RPS3: variants seen among roughly 807,000 people sequenced by gnomAD.
RPS3 encodes the protein ribosomal protein S3.
In RPS3, 2 loss-of-function variants were observed where a neutral mutation model predicts 25.8. That is an observed-to-expected ratio of 0.08 (90% confidence interval 0.03 to 0.24). RPS3 has a LOEUF of 0.24. RPS3 is among the 10% of genes least tolerant of loss of function. RPS3 has a pLI of 1.00. For missense variants in RPS3, 107 were observed against 307.1 expected (o/e 0.35, Z 4.87); for synonymous variants, 114 against 114.2 (o/e 1.00, Z 0.01).
chr11:75,405,439 T>G, intron 6 of RPS3, 175 bp from the exon 7 acceptor site: 1 of 341,428 alleles, frequency 2.9e-6, no homozygotes, highest in Non-Finnish European at 5.6e-6. Flanking sequence ...TTTATAGGTG[T>G]TGTCTCTCCA....
intron 6 of RPS3, chr11:75,405,350 C>T: frequency 3.9e-6 from 1 of 256,534 alleles, no homozygotes; most frequent in Non-Finnish European, 7.6e-6. Flanking sequence ...ATTTTCTAGG[C>T]ACTTTTGCTA....
downstream of RPS3, among the ~76,000 whole-genome samples, chr11:75,408,360 C>T (rs553089222): frequency 6.6e-6 from 1 of 152,114 alleles, no homozygotes; most frequent in South Asian, 2.1e-4. Flanking sequence ...TAAAAATTTG[C>T]CAGATATGGA....
chr11:75,420,088 A>G (rs1948430575), intron 6 of RPS3, among the ~76,000 whole-genome samples: 1 of 152,216 alleles, frequency 6.6e-6, no homozygotes, highest in Non-Finnish European at 1.5e-5. Flanking sequence ...AGCGAACGGC[A>G]AAGCCGCACA....
At chr11:75,402,480 T>C in intron 4 of RPS3, 34 bp downstream of exon 4, 1 of 1,579,950 alleles carries the variant, frequency 6.3e-7, no homozygotes, top group Non-Finnish European at 8.7e-7. Flanking sequence ...TCATGACCTT[T>C]TGTGTGTATC....
At position 75,419,900 on chromosome 11, in the gene RPS3, C is replaced by T. The variant is rs578059597; in HGVS notation, c.*4-1827C>T. Among the ~76,000 whole-genome samples the T allele has an allele frequency of 3.9e-5, 6 of 152,308 alleles. No individual in the cohort carries two copies. The South Asian group carries it at 1.0e-3, about 26-fold the overall frequency. Reference sequence around the variant, plus strand: ...CCACCCACCTCGGCCTCCCTAAGTACTGGGTTTACAGTCATTTTTTTAAAA... The same window carrying T: ...CCACCCACCTCGGCCTCCCTAAGTATTGGGTTTACAGTCATTTTTTTAAAA... On this transcript the variant is annotated intron_variant, in intron 6 of 6. Coordinates refer to the RPS3 transcript ENST00000527446.
Position 75,401,719 on chromosome 11 carries a change from G to C in RPS3, c.241G>C (p.Glu81Gln), listed in dbSNP as rs1281497092. 6.2e-7 allele frequency: 1 copy of C among 1,605,932 alleles called. No homozygotes were observed. Among genetic ancestry groups the C allele is most frequent in the Non-Finnish European group, 8.5e-7 (1 of 1,172,402 alleles). The change falls in exon 3 of 7, where the codon GAG becomes CAG. Residue 81 changes from glutamate (E) to glutamine (Q), a missense_variant. Around this residue, in one of 2 missense-constraint regions of RPS3, gnomAD observed 81 missense variants for 286.8 expected, o/e 0.28. Coordinates refer to ENST00000531188, the MANE Select transcript of RPS3 (RefSeq NM_001005.5). The part of the protein sequence containing the change: ...AVVQKRFGFP[E>Q]GSVELYAEKV... ...AGTTCAGAAGAGGTTTGGCTTTCCA[G>C]AGGGCAGTGTAGAGGTGAGTGATTC...
In RPS3 at chr11:75,399,552, C is replaced by A; in HGVS notation, c.5C>A (p.Ala2Glu). 6.2e-7 allele frequency: 1 copy of A among 1,613,910 alleles called. No individual in the cohort carries two copies. The highest frequency in any genetic ancestry group is 8.5e-7 in the Non-Finnish European group (1 of 1,179,878). The change falls in exon 1 of 7, where the codon GCA (alanine) becomes GAA (glutamate). Residue 2 changes from alanine to glutamate, a missense_variant. Ala to Glu is a moderately radical substitution (Grantham distance 107). Transcript: ENST00000531188. ...TCAGCGGAGCGCGGCGGCAAGATGG[C>A]AGTGCAAATATCCAAGAAGAGGAAG... M[A>E]VQISKKRKFV... is the part of the protein sequence containing the mutation.
At chr11:75,415,986 A>G (rs1948394410) in intron 6 of RPS3, among the ~76,000 whole-genome samples, 2 of 151,830 alleles carry the variant, frequency 1.3e-5, no homozygotes, top group Non-Finnish European at 2.9e-5. Flanking sequence ...AAAAAAAAAA[A>G]AAAAAAAAAG....
chr11:75,414,471 C>T lies in RPS3; in HGVS notation c.*4-7256C>T, dbSNP rs552525872. On this transcript the variant is annotated intron_variant, in intron 6 of 6. Transcript: ENST00000527446. The stretch of plus-strand genomic sequence containing the variant: ...CTAAAAATACAAAAAATTAGCCAGG[C>T]GTGGTGGTGGACGCCTGTAGTCCCA... 3.7e-3 allele frequency among the ~76,000 whole-genome samples: 558 copies of T among 152,120 alleles called. 4 individuals are homozygous for T. Among genetic ancestry groups the T allele is most frequent in the African/African-American group, 0.013 (520 of 41,482 alleles).
At chr11:75,410,449 C>G (rs1246314276), downstream of RPS3, among the ~76,000 whole-genome samples, 1 of 151,160 alleles carries the variant, frequency 6.6e-6, no homozygotes, top group Non-Finnish European at 1.5e-5. Flanking sequence ...GGAAGAGGCG[C>G]TCCTCGCTTC....
chr11:75,401,636 C>A lies in RPS3; in HGVS notation c.162-4C>A. ...AATCTTGAATTGTCACTTTTCCCCC[C>A]CAGAACACAGAATGTTCTTGGTGAG... On this transcript the variant is annotated splice_polypyrimidine_tract_variant and splice_region_variant and intron_variant, in intron 2 of 6. Coordinates refer to ENST00000531188, the MANE Select transcript of RPS3 (RefSeq NM_001005.5). The A allele has an allele frequency of 6.3e-7, 1 of 1,599,460 alleles. No individual in the cohort carries two copies. The highest frequency in any genetic ancestry group is 8.6e-7 in the Non-Finnish European group (1 of 1,166,570).
At chr11:75,410,086 C>G (rs1471777578), downstream of RPS3, among the ~76,000 whole-genome samples, 1 of 143,148 alleles carries the variant, frequency 7.0e-6, no homozygotes, top group African/African-American at 2.7e-5. Flanking sequence ...CCCCTCCCCC[C>G]TCCCGGACTG....
At chr11:75,399,660 G>A in intron 1 of RPS3, 83 bp downstream of exon 1, 1 of 1,248,966 alleles carries the variant, frequency 8.0e-7, no homozygotes, top group Non-Finnish European at 1.2e-6. Flanking sequence ...GAGGCCTGCA[G>A]CTCCGTGGCC....
chr11:75,419,841 C>T (rs562736116), intron 6 of RPS3, among the ~76,000 whole-genome samples: 1 of 152,138 alleles, frequency 6.6e-6, no homozygotes, highest in Non-Finnish European at 1.5e-5. Context: ...GCCTTGTTAG[C>T]CAGGCTGGTC....
chr11:75,402,052 T>A, intron 3 of RPS3: 1 of 544,398 alleles, frequency 1.8e-6, no homozygotes, highest in East Asian at 3.1e-5. Context: ...AGAAGTGCTT[T>A]AGGAATTGAG....
chr11:75,404,228 G>A lies in RPS3; in HGVS notation c.538+21G>A, dbSNP rs1332124952. On this transcript the variant is annotated intron_variant, in intron 5 of 6. Transcript: ENST00000531188. This position sits in a 1 kb window ranked among gnomAD's most constrained non-coding sequence, Gnocchi z 4.6. ...ACAGGGTGAGCAGCTGAGAGTGCTT[G>A]GCAAAGGGCATTTGTGGACAGATTT... The A allele has an allele frequency of 6.2e-7, 1 of 1,604,130 alleles. No homozygotes were observed. The highest frequency in any genetic ancestry group is 8.5e-7 in the Non-Finnish European group (1 of 1,172,828).
intron 3 of RPS3, 39 bp from the exon 4 acceptor site, chr11:75,402,313 A>G: frequency 6.2e-7 from 1 of 1,602,916 alleles, no homozygotes; most frequent in South Asian, 1.1e-5. Context: ...GTTGAAAATA[A>G]TGGTGATGGT....
At chr11:75,407,310 G>C (rs1948299003), downstream of RPS3, among the ~76,000 whole-genome samples, 1 of 150,268 alleles carries the variant, frequency 6.7e-6, no homozygotes, top group Non-Finnish European at 1.5e-5. Context: ...GCTAATTTTT[G>C]TATTTTTAGT....
At chr11:75,421,346 C>T (rs571865144) in intron 6 of RPS3, among the ~76,000 whole-genome samples, 2 of 152,324 alleles carry the variant, frequency 1.3e-5, no homozygotes, top group South Asian at 4.1e-4. Flanking sequence ...GATGATCGCT[C>T]TTCTTCCAAA....
Sources: gnomAD v4.1 joint callset for allele counts (sites outside exome capture counted in the v4.1 genomes callset) on GRCh38, gnomAD v4.1.1 for gene constraint, gnomAD v4.1.1 regional missense constraint, Gnocchi (gnomAD v3.1) non-coding constraint, MANE v1.5 for transcripts, NCBI Gene and HGNC (gene_info 2026-07-23, HGNC 2026-07-21) for gene names.